The following DOCK4 variants were observed in gnomAD, a reference collection of about 807,000 sequenced individuals.
DOCK4 encodes the protein dedicator of cytokinesis 4, also known as dedicator of cytokinesis protein 4.
Under a neutral mutation model 268.1 loss-of-function variants are expected in DOCK4, and 97 were observed. The ratio of observed to expected loss-of-function variants is 0.36; its 90% CI spans 0.31 to 0.43. The LOEUF (loss-of-function observed/expected upper bound fraction) is 0.43. DOCK4 is among the 20% of genes least tolerant of loss of function. The pLI, the probability that DOCK4 is intolerant of heterozygous loss-of-function variation, is 1.00. For missense variants in DOCK4, 2,145 were observed against 2,455.7 expected, an observed-to-expected ratio of 0.87 and a Z score of 2.67; for synonymous variants, 954 against 887.2, an observed-to-expected ratio of 1.08 and a Z score of -1.34.
intron 13 of DOCK4, among the ~76,000 whole-genome samples, chr7:111,912,179 T>C (rs1792160220): frequency 6.6e-6 from 1 of 152,226 alleles, no homozygotes; most frequent in South Asian, 2.1e-4. Context: ...TTGGGTCTCA[T>C]AGCTATGCCA....
intron 1 of DOCK4, among the ~76,000 whole-genome samples, chr7:112,120,299 G>A (rs777840890): frequency 6.6e-6 from 1 of 151,912 alleles, no homozygotes; most frequent in Non-Finnish European, 1.5e-5. Context: ...CATCCACTGG[G>A]CCACATGTCA....
At chr7:112,099,007 A>G (rs1810418164) in intron 1 of DOCK4, among the ~76,000 whole-genome samples, 1 of 152,142 alleles carries the variant, frequency 6.6e-6, no homozygotes, top group Non-Finnish European at 1.5e-5. Flanking sequence ...TAGTTCAAGA[A>G]GGCCAGGTGT....
At chr7:112,162,920 C>T (rs545378491) in intron 1 of DOCK4, among the ~76,000 whole-genome samples, 1 of 152,264 alleles carries the variant, frequency 6.6e-6, no homozygotes, top group East Asian at 1.9e-4. Context: ...AGTAAATAGG[C>T]AGACACTTCT....
intron 8 of DOCK4, among the ~76,000 whole-genome samples, chr7:111,975,094 C>T (rs6979955): frequency 0.1 from 15,933 of 152,086 alleles, 1,246 homozygotes; most frequent in East Asian, 0.35. Context: ...TGGCGAAACC[C>T]CGTCTCTACT....
At chr7:111,942,944 C>T (rs1795325766) in intron 10 of DOCK4, among the ~76,000 whole-genome samples, 1 of 152,138 alleles carries the variant, frequency 6.6e-6, no homozygotes, top group Non-Finnish European at 1.5e-5. Context: ...TGTTTGAGTG[C>T]TATTTCTTTG....
chr7:111,957,497 C>G (rs1280973632), intron 8 of DOCK4, among the ~76,000 whole-genome samples: 1 of 152,104 alleles, frequency 6.6e-6, no homozygotes. Flanking sequence ...ACTAAACAAC[C>G]TGGAAAAAAT....
chr7:111,884,284 C>T (rs1001297733), intron 16 of DOCK4, among the ~76,000 whole-genome samples: 3 of 152,114 alleles, frequency 2.0e-5, no homozygotes, highest in South Asian at 2.1e-4. Flanking sequence ...CTCTGCACTG[C>T]GTGTATATTC....
At chr7:111,840,651 G>A in intron 25 of DOCK4, 1 of 258,622 alleles carries the variant, frequency 3.9e-6, no homozygotes. Flanking sequence ...CTATGATACA[G>A]CAGACGCCAG....
At chr7:112,165,547 T>TGC (rs1817530301) in intron 1 of DOCK4, among the ~76,000 whole-genome samples, 2 of 139,736 alleles carry the variant, frequency 1.4e-5, no homozygotes, top group Non-Finnish European at 3.2e-5. Context: ...TGTGTGTGTG[T>TGC]GTGTGTGTGT....
chr7:112,038,702 A>T (rs1050141295), intron 1 of DOCK4, among the ~76,000 whole-genome samples: 1 of 152,210 alleles, frequency 6.6e-6, no homozygotes, highest in Non-Finnish European at 1.5e-5. Context: ...CAAAGTAACA[A>T]AAAAAGTAAA....
chr7:111,930,014 A>G (rs2134661953), intron 12 of DOCK4, among the ~76,000 whole-genome samples: 1 of 152,354 alleles, frequency 6.6e-6, no homozygotes, highest in Non-Finnish European at 1.5e-5. Flanking sequence ...TCACATTCCT[A>G]TAATTCAACT....
chr7:111,842,536 G>A (rs1000203138), intron 25 of DOCK4, among the ~76,000 whole-genome samples: 1 of 152,176 alleles, frequency 6.6e-6, no homozygotes, highest in African/African-American at 2.4e-5. Flanking sequence ...GATGTAGTGA[G>A]GTGTCCCAAC....
intron 30 of DOCK4, among the ~76,000 whole-genome samples, chr7:111,791,145 C>G (rs942991745): frequency 6.9e-6 from 1 of 144,048 alleles, no homozygotes; most frequent in Non-Finnish European, 1.5e-5. Context: ...TGTATATGCA[C>G]ACATTAAAAT....
intron 25 of DOCK4, among the ~76,000 whole-genome samples, chr7:111,835,189 C>T (rs1345264778): frequency 1.3e-5 from 2 of 152,160 alleles, no homozygotes; most frequent in African/African-American, 2.4e-5. Context: ...CCCAGTCTTT[C>T]TGCCTCCAAA....
chr7:111,913,441 G>A (rs1265512629), intron 13 of DOCK4, among the ~76,000 whole-genome samples: 4 of 138,768 alleles, frequency 2.9e-5, no homozygotes, highest in Non-Finnish European at 4.6e-5. Context: ...ACAGAGTCTC[G>A]CTCTGTCGCC....
Position 111,739,791 on chromosome 7 carries a change from C to T in DOCK4, c.5041-314G>A, listed in dbSNP as rs372383528. ...TTCCAGCCTAGGGCCCAAAAACAGG[C>T]GAGTGCGTCTAAAAGGCATAAAATA... On this transcript the variant is annotated intron_variant, in intron 47 of 52. Coordinates refer to ENST00000428084, the MANE Select transcript of DOCK4 (RefSeq NM_001363540.2). 6.9e-5 allele frequency: 26 copies of T among 378,786 alleles called. 1 individual carries two copies. Among genetic ancestry groups the T allele is most frequent in the African/African-American group, 3.5e-4 (17 of 48,290 alleles). 23.5% of individuals were successfully genotyped at this position (378,786 alleles called of 1,614,324 possible).
intron 27 of DOCK4, chr7:111,820,914 T>A (rs1801924249): frequency 6.6e-6 from 1 of 152,156 alleles, no homozygotes; most frequent in Non-Finnish European, 1.5e-5. Context: ...TAAGGCCAGA[T>A]GAATGAGCAA....
At chr7:111,998,427 C>G (rs779414323) in intron 4 of DOCK4, 21 bp downstream of exon 4, 2 of 1,536,742 alleles carry the variant, frequency 1.3e-6, no homozygotes, top group African/African-American at 1.4e-5. Context: ...CCTCCAACTA[C>G]TAATAAAACT....
intron 1 of DOCK4, among the ~76,000 whole-genome samples, chr7:112,132,901 C>G (rs1169807146): frequency 1.3e-5 from 2 of 152,190 alleles, no homozygotes; most frequent in Admixed American, 6.5e-5. Flanking sequence ...CCAGTCTTTA[C>G]TCTTTGTCAG....
Sources: allele counts gnomAD v4.1 joint callset (sites outside exome capture counted in the v4.1 genomes callset), GRCh38; gene constraint gnomAD v4.1.1; transcripts MANE v1.5; gene names NCBI Gene and HGNC (gene_info 2026-07-23, HGNC 2026-07-21).